STYK1: variants seen among roughly 807,000 people sequenced by gnomAD.
STYK1 encodes the protein STY kinase 1, also known as tyrosine-protein kinase STYK1.
Under a neutral mutation model 48.1 loss-of-function variants are expected in STYK1, and 46 were observed. That is an observed-to-expected ratio of 0.96 (90% confidence interval 0.75 to 1.22). The LOEUF (loss-of-function observed/expected upper bound fraction) is 1.22. STYK1 is among the 50% of genes most tolerant of loss of function. The pLI is 0.00. For missense variants in STYK1, 527 were observed against 521.1 expected (o/e 1.01, Z -0.11); for synonymous variants, 188 against 189.0 (o/e 0.99, Z 0.04).
intron 1 of STYK1, among the ~76,000 whole-genome samples, chr12:10,660,707 A>G (rs11053892): frequency 0.98 from 149,212 of 152,212 alleles, 73,202 homozygotes; most frequent in East Asian, 1. Context: ...ACCTCTGGTC[A>G]TCCTCATTGC....
chr12:10,665,414 G>C (rs868257168), intron 1 of STYK1, among the ~76,000 whole-genome samples: 4 of 152,306 alleles, frequency 2.6e-5, no homozygotes, highest in Middle Eastern at 3.4e-3. Flanking sequence ...ATTTACTGGT[G>C]GGGGAATTAA....
intron 1 of STYK1, among the ~76,000 whole-genome samples, chr12:10,659,072 C>G (rs1947748835): frequency 6.6e-6 from 1 of 152,210 alleles, no homozygotes; most frequent in South Asian, 2.1e-4. Context: ...CGAAAACTTT[C>G]ATGATTCTCA....
chr12:10,656,848 C>G (rs1161190879), intron 1 of STYK1, among the ~76,000 whole-genome samples: 1 of 151,972 alleles, frequency 6.6e-6, no homozygotes, highest in Non-Finnish European at 1.5e-5. Context: ...TAAATAAATC[C>G]CTCTCAAAAT....
intron 1 of STYK1, among the ~76,000 whole-genome samples, chr12:10,639,983 C>T (rs773624904): frequency 1.5e-4 from 23 of 152,254 alleles, no homozygotes; most frequent in Non-Finnish European, 3.2e-4. Context: ...ATAGGAACCT[C>T]ATAGGGACAT....
chr12:10,624,080 C>A (rs1947328428), intron 8 of STYK1, among the ~76,000 whole-genome samples: 1 of 147,462 alleles, frequency 6.8e-6, no homozygotes, highest in African/African-American at 2.5e-5. Flanking sequence ...TGTGAATAAT[C>A]TTTTCACTTT....
intron 1 of STYK1, among the ~76,000 whole-genome samples, chr12:10,638,772 C>T (rs1947512830): frequency 6.6e-6 from 1 of 152,220 alleles, no homozygotes; most frequent in South Asian, 2.1e-4. Flanking sequence ...AGATTTCCTG[C>T]ACTCTGCCTG....
At chr12:10,657,437 G>A (rs2120771865) in intron 1 of STYK1, among the ~76,000 whole-genome samples, 1 of 152,258 alleles carries the variant, frequency 6.6e-6, no homozygotes, top group South Asian at 2.1e-4. Context: ...TATTTTGTCA[G>A]AAAAATAAAA....
chr12:10,621,233 A>T (rs1480593281), intron 10 of STYK1, among the ~76,000 whole-genome samples: 1 of 152,172 alleles, frequency 6.6e-6, no homozygotes, highest in African/African-American at 2.4e-5. Context: ...CATTGGTAAT[A>T]ACAGTCTATG....
chr12:10,635,724 G>A (rs1947478942), intron 2 of STYK1, among the ~76,000 whole-genome samples: 1 of 152,028 alleles, frequency 6.6e-6, no homozygotes, highest in Non-Finnish European at 1.5e-5. Context: ...TTAGTTTCTT[G>A]TTTGTCTGGC....
At chr12:10,668,381 T>TC (rs1261767571) in intron 1 of STYK1, among the ~76,000 whole-genome samples, 1 of 150,050 alleles carries the variant, frequency 6.7e-6, no homozygotes, top group Non-Finnish European at 1.5e-5. Flanking sequence ...TACTTCTTCT[T>TC]CTTTTTTTTT....
chr12:10,658,222 G>A (rs1041800519), intron 1 of STYK1, among the ~76,000 whole-genome samples: 6 of 152,046 alleles, frequency 3.9e-5, no homozygotes, highest in Admixed American at 6.5e-5. Context: ...AAGGTTTATG[G>A]GAATCTTACC....
rs953053267 is a variant in STYK1, at chr12:10,629,651, G to A, written c.475C>T (p.Gln159Ter). The A allele has an allele frequency of 6.2e-7, 1 of 1,614,148 alleles. No homozygotes were observed. The highest frequency in any genetic ancestry group is 1.6e-4 in the Middle Eastern group (1 of 6,062). Residue 159 changes from glutamine (Q) to a stop codon, truncating the protein, a stop_gained, in exon 6 of 11, where the codon CAA becomes TAA. Coordinates refer to ENST00000075503, the MANE Select transcript of STYK1 (RefSeq NM_018423.3). LOFTEE classifies it high-confidence loss of function. ...AATTGGATTCGCCCTAAGAAATCTT[G>A]TACCTCATGGAGCCCAGCTGGTTCT... ...LKEPAGLHEV[Q>*]DFLGRIQFHQ... is the part of the protein sequence containing the mutation.
At chr12:10,668,286 G>T (rs915049382) in intron 1 of STYK1, among the ~76,000 whole-genome samples, 1 of 151,914 alleles carries the variant, frequency 6.6e-6, no homozygotes, top group Admixed American at 6.6e-5. Context: ...CGGATTTCAG[G>T]TCCCCCGGAC....
At chr12:10,629,708 T>C (rs1198297537) in intron 5 of STYK1, 34 bp from the exon 6 acceptor site, 1 of 1,613,138 alleles carries the variant, frequency 6.2e-7, no homozygotes. Flanking sequence ...CAGTGAGCAG[T>C]CAGAGCATCC....
At chr12:10,651,004 CAAAA>C (rs11342378) in intron 1 of STYK1, among the ~76,000 whole-genome samples, 20 of 118,500 alleles carry the variant, frequency 1.7e-4, no homozygotes, top group African/African-American at 4.8e-4. Flanking sequence ...GACTCCTTCT[CAAAA>C]AAAAAAAAAA....
In STYK1 at chr12:10,631,104, G is replaced by A; in HGVS notation, c.392C>T (p.Ala131Val). ...AGAAGGGTCCCCAGTGTTCATATTG[G>A]CTCGAAAGATGGGCCCACAGCTACC... ...CSGSCGPIFR[A>V]NMNTGDPSKP... Residue 131 changes from alanine to valine, a missense_variant, in exon 5 of 11, where the codon GCC becomes GTC. Transcript: ENST00000075503. 2 of 1,614,098 alleles carry A rather than the reference G, an allele frequency of 1.2e-6. No individual in the cohort carries two copies. The highest frequency in any genetic ancestry group is 1.7e-6 in the Non-Finnish European group (2 of 1,180,020).
chr12:10,631,155 G>A lies in STYK1; in HGVS notation c.341C>T (p.Ser114Phe), dbSNP rs1343601660. 1.7e-5 allele frequency: 27 copies of A among 1,614,210 alleles called. No homozygotes were observed. The East Asian group carries it at 6.0e-4, about 36-fold the overall frequency. ...AKLQVPREQL[S>F]EVLEQICSGS... ...ACTGCAAATCTGCTCCAGAACTTCAGAGAGTTGCTCCCGCGGCACCTGCAG... is the reference window on the plus strand; with the variant it reads ...ACTGCAAATCTGCTCCAGAACTTCAAAGAGTTGCTCCCGCGGCACCTGCAG... Residue 114 changes from serine to phenylalanine, a missense_variant, in exon 5 of 11, where the codon TCT becomes TTT. By Grantham distance (155) the Ser-to-Phe change is radical (BLOSUM62 -2). Transcript: ENST00000075503.
intron 1 of STYK1, among the ~76,000 whole-genome samples, chr12:10,664,687 T>C (rs1237124443): frequency 1.3e-5 from 2 of 152,248 alleles, no homozygotes; most frequent in Non-Finnish European, 2.9e-5. Context: ...CTCTATTTCC[T>C]AGTAAATGTT....
intron 1 of STYK1, among the ~76,000 whole-genome samples, chr12:10,661,185 C>A (rs1565573714): frequency 1.3e-5 from 2 of 152,262 alleles, no homozygotes; most frequent in Non-Finnish European, 2.9e-5. Context: ...AGTTTACGAT[C>A]AAAATTCCAG....
Sources: allele counts gnomAD v4.1 joint callset (sites outside exome capture counted in the v4.1 genomes callset), GRCh38; gene constraint gnomAD v4.1.1; transcripts MANE v1.5; gene names NCBI Gene and HGNC (gene_info 2026-07-23, HGNC 2026-07-21).